Variants in KLHL4 observed in about 807,000 individuals in gnomAD.
KLHL4 encodes the protein kelch-like protein 4.
A neutral mutation model predicts 45.8 loss-of-function variants in KLHL4; 17 were observed. The observed-to-expected ratio is 0.37, with a 90% CI of 0.25 to 0.56. The LOEUF is 0.56. Among genes scored for constraint, KLHL4 ranks in the 20% least tolerant of loss-of-function variants. The probability of loss-of-function intolerance (pLI) is 0.79; values close to 1 mark genes in which losing one functional copy is unlikely to be tolerated. For synonymous variants in KLHL4, 224 were observed against 189.9 expected (o/e 1.18, Z -1.47); for missense variants, 544 against 544.9 (o/e 1.00, Z 0.02).
intron 1 of KLHL4, among the ~76,000 whole-genome samples, chrX:87,552,199 G>GA (rs1931842902): frequency 9.1e-6 from 1 of 109,661 alleles, no homozygotes; most frequent in South Asian, 3.8e-4. Flanking sequence ...AAATCAGTAA[G>GA]AAAAAAACAA....
chrX:87,669,302 G>C lies in KLHL4; in HGVS notation c.*2768G>C, dbSNP rs1924485782. 8.3e-7 allele frequency: 1 copy of C among 1,207,493 alleles called. No homozygotes were observed. The highest frequency in any genetic ancestry group is 1.7e-5 in the African/African-American group (1 of 57,455). ...TGCATCATGATGATTCTCTAACACT[G>C]TCTGTCACCTTCCTGTATTTCCACA... is the stretch of plus-strand genomic sequence containing the variant. On this transcript the variant is annotated 3_prime_UTR_variant, in exon 11 of 11. Coordinates refer to ENST00000373119, the MANE Select transcript of KLHL4 (RefSeq NM_019117.5).
intron 1 of KLHL4, among the ~76,000 whole-genome samples, chrX:87,610,488 T>C (rs1485604136): frequency 2.7e-5 from 3 of 112,073 alleles, no homozygotes; most frequent in Non-Finnish European, 5.6e-5. Flanking sequence ...CTTTTTCTAC[T>C]GACTCCAAAT....
At chrX:87,572,970 A>G (rs1269606678) in intron 1 of KLHL4, among the ~76,000 whole-genome samples, 1 of 111,694 alleles carries the variant, frequency 9.0e-6, no homozygotes, top group African/African-American at 3.2e-5. Context: ...AATCTCATAA[A>G]AGCGACAAAT....
intron 1 of KLHL4, among the ~76,000 whole-genome samples, chrX:87,541,392 G>A (rs1407022239): frequency 9.5e-6 from 1 of 105,436 alleles, no homozygotes; most frequent in African/African-American, 3.5e-5. Context: ...GGCTGAGGCA[G>A]GAGAATCACT....
intron 1 of KLHL4, among the ~76,000 whole-genome samples, chrX:87,554,534 T>C (rs1931921063): frequency 1.0e-5 from 1 of 96,064 alleles, no homozygotes; most frequent in South Asian, 5.3e-4. Flanking sequence ...GTTATTGGTG[T>C]ATAAGAATGC....
In KLHL4 at chrX:87,581,061, A is replaced by T. The variant is rs745590550; in HGVS notation, c.423-32816A>T. Among the ~76,000 whole-genome samples the T allele has an allele frequency of 3.5e-4, 39 of 112,480 alleles. No homozygotes were observed. In the South Asian group the frequency reaches 0.014, roughly 42 times the overall value. On this transcript the variant is annotated intron_variant, in intron 1 of 10. Transcript: ENST00000373119. ...AAAGAGCCCAAGCTGACAGGGTCAC[A>T]GTTGGTTCATCAGCATGACATGGCT... is the stretch of plus-strand genomic sequence containing the variant.
In KLHL4 at chrX:87,609,230, G is replaced by A. The variant is rs1008207505; in HGVS notation, c.423-4647G>A. On this transcript the variant is annotated intron_variant, in intron 1 of 10. Coordinates refer to ENST00000373119, the MANE Select transcript of KLHL4 (RefSeq NM_019117.5). ...TGCCGCAATAAACATATGTGTGCAT[G>A]TGTCTTTATGGAAGCATGATTTATA... 7.0e-4 allele frequency among the ~76,000 whole-genome samples: 79 copies of A among 112,244 alleles called. 1 individual carries two copies. Among genetic ancestry groups the A allele is most frequent in the African/African-American group, 2.5e-3 (77 of 30,861 alleles).
intron 9 of KLHL4, among the ~76,000 whole-genome samples, chrX:87,642,972 A>T (rs746830166): frequency 8.9e-6 from 1 of 112,054 alleles, no homozygotes; most frequent in Non-Finnish European, 1.9e-5. Context: ...TAGAAAACAT[A>T]TTTGGGTGAA....
At chrX:87,577,154 C>T (rs932636692) in intron 1 of KLHL4, among the ~76,000 whole-genome samples, 1 of 111,791 alleles carries the variant, frequency 8.9e-6, no homozygotes, top group African/African-American at 3.2e-5. Context: ...TAAGTGTATG[C>T]TAAAATGCTA....
At chrX:87,640,719 C>G (rs1279924281) in intron 9 of KLHL4, among the ~76,000 whole-genome samples, 1 of 111,378 alleles carries the variant, frequency 9.0e-6, no homozygotes, top group Non-Finnish European at 1.9e-5. Flanking sequence ...TATGACAAAC[C>G]CACAGCCAAC....
intron 9 of KLHL4, among the ~76,000 whole-genome samples, chrX:87,656,071 C>T (rs184261046): frequency 4.1e-4 from 45 of 111,092 alleles, no homozygotes; most frequent in African/African-American, 1.3e-3. Context: ...AGTCTGATGG[C>T]GTTTCCTTTA....
chrX:87,600,835 CACG>C (rs199879178), intron 1 of KLHL4, among the ~76,000 whole-genome samples: 3,160 of 111,880 alleles, frequency 0.028, 125 homozygotes, highest in African/African-American at 0.097. Flanking sequence ...CGTGTATCTT[CACG>C]AAGATTTGAT....
At chrX:87,652,849 A>G (rs1175411770) in intron 9 of KLHL4, among the ~76,000 whole-genome samples, 7 of 111,935 alleles carry the variant, frequency 6.3e-5, no homozygotes, top group African/African-American at 3.2e-5. Flanking sequence ...AATGTACTGT[A>G]CTAGACCATT....
At chrX:87,548,431 A>G (rs138811088) in intron 1 of KLHL4, among the ~76,000 whole-genome samples, 1,608 of 111,878 alleles carry the variant, frequency 0.014, 28 homozygotes, top group African/African-American at 0.049. Context: ...ACCTAAAGGT[A>G]CAAACCTTAC....
chrX:87,616,768 T>A (rs138764582), intron 3 of KLHL4, among the ~76,000 whole-genome samples: 4,507 of 111,699 alleles, frequency 0.04, 237 homozygotes, highest in African/African-American at 0.14. Flanking sequence ...GGAGAATAGA[T>A]CATACTTCTC....
chrX:87,663,992 G>T (rs185465651), intron 9 of KLHL4, among the ~76,000 whole-genome samples: 26 of 111,197 alleles, frequency 2.3e-4, no homozygotes, highest in Non-Finnish European at 4.5e-4. Flanking sequence ...ATAAAGTCAG[G>T]GAGCATTTTT....
At chrX:87,593,074 G>A (rs1921727387) in intron 1 of KLHL4, among the ~76,000 whole-genome samples, 1 of 111,509 alleles carries the variant, frequency 9.0e-6, no homozygotes. Flanking sequence ...TCTTATTGAT[G>A]AATACTTGTA....
At chrX:87,651,258 G>T (rs6617458) in intron 9 of KLHL4, among the ~76,000 whole-genome samples, 15 of 111,440 alleles carry the variant, frequency 1.3e-4, no homozygotes, top group Non-Finnish European at 2.1e-4. Flanking sequence ...TACAATTCAA[G>T]ATGAGATTTG....
At chrX:87,597,648 G>T (rs1921880052) in intron 1 of KLHL4, among the ~76,000 whole-genome samples, 1 of 111,413 alleles carries the variant, frequency 9.0e-6, no homozygotes, top group African/African-American at 3.3e-5. Context: ...ATTCCTTTTT[G>T]ATTCATATTT....
Sources: allele counts gnomAD v4.1 joint callset (sites outside exome capture counted in the v4.1 genomes callset), GRCh38; gene constraint gnomAD v4.1.1; transcripts MANE v1.5; gene names NCBI Gene and HGNC (gene_info 2026-07-23, HGNC 2026-07-21).